ENOX1: variants seen among roughly 807,000 people sequenced by gnomAD.
The protein encoded by ENOX1 is ecto-NOX disulfide-thiol exchanger 1.
Under a neutral mutation model 82.5 loss-of-function variants are expected in ENOX1, and 42 were observed. The ratio of observed to expected loss-of-function variants is 0.51; its 90% confidence interval spans 0.40 to 0.66. ENOX1 has a LOEUF of 0.66. Among genes scored for constraint, ENOX1 ranks in the 30% least tolerant of loss-of-function variants. The probability of loss-of-function intolerance (pLI) is 0.00; values close to 1 mark genes in which losing one functional copy is unlikely to be tolerated. For synonymous variants in ENOX1, 271 were observed against 282.2 expected (o/e 0.96, Z 0.40); for missense variants, 608 against 811.6 (o/e 0.75, Z 3.05).
At chr13:43,617,593 A>C (rs1248647505) in intron 2 of ENOX1, among the ~76,000 whole-genome samples, 1 of 152,224 alleles carries the variant, frequency 6.6e-6, no homozygotes, top group Non-Finnish European at 1.5e-5. Context: ...CATGGTTTAT[A>C]TATACCACGG....
chr13:43,314,162 G>T (rs1340514179), intron 11 of ENOX1, among the ~76,000 whole-genome samples: 3 of 152,166 alleles, frequency 2.0e-5, no homozygotes, highest in Non-Finnish European at 4.4e-5. Flanking sequence ...TGGAACTGGG[G>T]AGAAGAGTTG....
chr13:43,593,700 A>T (rs1469328926), intron 2 of ENOX1, among the ~76,000 whole-genome samples: 2 of 142,680 alleles, frequency 1.4e-5, no homozygotes, highest in African/African-American at 2.7e-5. Flanking sequence ...ACACACACAC[A>T]CACACACACA....
At chr13:43,406,903 T>C (rs2053834767) in intron 5 of ENOX1, among the ~76,000 whole-genome samples, 1 of 152,066 alleles carries the variant, frequency 6.6e-6, no homozygotes, top group South Asian at 2.1e-4. Context: ...TAAAGAAATA[T>C]TGTTGACAAT....
chr13:43,692,276 A>G (rs74067518), intron 1 of ENOX1, among the ~76,000 whole-genome samples: 3,208 of 152,340 alleles, frequency 0.021, 128 homozygotes, highest in African/African-American at 0.074. Context: ...ATCTTCCCCC[A>G]AAATTAATTC....
chr13:43,341,449 G>A (rs2049054413), intron 9 of ENOX1, among the ~76,000 whole-genome samples: 1 of 152,114 alleles, frequency 6.6e-6, no homozygotes, highest in African/African-American at 2.4e-5. Flanking sequence ...CCAGGCAGAA[G>A]GAACAGAACG....
intron 2 of ENOX1, among the ~76,000 whole-genome samples, chr13:43,615,907 G>A (rs1314496869): frequency 1.3e-5 from 2 of 151,624 alleles, no homozygotes; most frequent in Admixed American, 1.3e-4. Flanking sequence ...CCATGTCCCT[G>A]CAAAGTACAT....
chr13:43,379,585 T>C (rs535982743), intron 5 of ENOX1, among the ~76,000 whole-genome samples: 2 of 152,064 alleles, frequency 1.3e-5, no homozygotes, highest in Admixed American at 1.3e-4. Flanking sequence ...AAAAAGTTAG[T>C]AAACTCAAAG....
At chr13:43,325,902 C>A (rs1185999364) in intron 10 of ENOX1, among the ~76,000 whole-genome samples, 2 of 151,962 alleles carry the variant, frequency 1.3e-5, no homozygotes, top group Non-Finnish European at 2.9e-5. Flanking sequence ...ATGGGTGGAC[C>A]CAGTTGGCCT....
intron 3 of ENOX1, among the ~76,000 whole-genome samples, chr13:43,448,470 C>T (rs1196141056): frequency 6.6e-6 from 1 of 152,066 alleles, no homozygotes; most frequent in African/African-American, 2.4e-5. Context: ...GCATCTTTGC[C>T]ATTTCAAAGA....
intron 12 of ENOX1, among the ~76,000 whole-genome samples, chr13:43,291,931 G>T (rs1242590070): frequency 6.6e-6 from 1 of 152,162 alleles, no homozygotes; most frequent in African/African-American, 2.4e-5. Flanking sequence ...AAGAGCTCTT[G>T]GCTGGCCACT....
intron 2 of ENOX1, among the ~76,000 whole-genome samples, chr13:43,651,327 A>G (rs540408455): frequency 1.3e-4 from 20 of 152,282 alleles, no homozygotes; most frequent in African/African-American, 4.6e-4. Context: ...ACTACTGCAG[A>G]AAATTTTGCC....
At chr13:43,446,667 T>C (rs753449871) in intron 3 of ENOX1, among the ~76,000 whole-genome samples, 12 of 152,230 alleles carry the variant, frequency 7.9e-5, no homozygotes, top group Admixed American at 2.0e-4. Flanking sequence ...ATAAGCCCCA[T>C]CTAACTTCTG....
rs1044806057 is a variant in ENOX1, at chr13:43,786,899, G to A, written c.-532C>T. 1 of 151,748 alleles carries A rather than the reference G, an allele frequency of 6.6e-6. No homozygotes were observed. The highest frequency in any genetic ancestry group is 2.4e-5 in the African/African-American group (1 of 41,244). 9.4% of individuals were successfully genotyped at this position (151,748 alleles called of 1,614,324 possible). On this transcript the variant is annotated 5_prime_UTR_variant, in exon 1 of 17. Coordinates refer to ENST00000690772, the MANE Select transcript of ENOX1 (RefSeq NM_001347969.2). The surrounding 1 kb of genome is among the most constrained non-coding windows in gnomAD (Gnocchi z 6.0). Reference sequence around the variant, plus strand: ...TGTGAGTAGCGGCGCCCGGGAGAGCGGGGATCTGCTGAGGGGCGCTGGAGA... The same window carrying A: ...TGTGAGTAGCGGCGCCCGGGAGAGCAGGGATCTGCTGAGGGGCGCTGGAGA...
chr13:43,586,559 G>A lies in ENOX1; in HGVS notation c.-219+80920C>T, dbSNP rs576430043. On this transcript the variant is annotated intron_variant, in intron 2 of 16. Transcript: ENST00000690772. ...ACCTCTCTTCATCTCTTTGTCTGCAGTGGCTAGCTGAGGCCTCCCTCTGAA... is the reference window on the plus strand; with the variant it reads ...ACCTCTCTTCATCTCTTTGTCTGCAATGGCTAGCTGAGGCCTCCCTCTGAA... 3.2e-4 allele frequency among the ~76,000 whole-genome samples: 49 copies of A among 152,346 alleles called. 1 individual carries two copies. The Middle Eastern group carries it at 0.01, about 32-fold the overall frequency.
intron 1 of ENOX1, among the ~76,000 whole-genome samples, chr13:43,734,600 C>T (rs929128554): frequency 6.6e-5 from 10 of 152,192 alleles, no homozygotes; most frequent in East Asian, 5.8e-4. Context: ...TTTTCACTCT[C>T]GTCATGTGTT....
At chr13:43,660,820 T>G (rs933872188) in intron 2 of ENOX1, among the ~76,000 whole-genome samples, 1 of 152,194 alleles carries the variant, frequency 6.6e-6, no homozygotes, top group African/African-American at 2.4e-5. Context: ...GTTTGCATAA[T>G]GTGTATTAGG....
intron 12 of ENOX1, among the ~76,000 whole-genome samples, chr13:43,276,336 T>C (rs76353869): frequency 0.034 from 5,155 of 152,278 alleles, 131 homozygotes; most frequent in Non-Finnish European, 0.05. Context: ...GTTGCCAACC[T>C]GATTTTTCCC....
At position 43,408,606 on chromosome 13, in the gene ENOX1, G is replaced by A. The variant is rs982167576; in HGVS notation, c.208+3310C>T. 4.6e-5 allele frequency among the ~76,000 whole-genome samples: 7 copies of A among 152,182 alleles called. No homozygotes were observed. The South Asian group carries it at 1.2e-3, about 27-fold the overall frequency. On this transcript the variant is annotated intron_variant, in intron 5 of 16. Transcript: ENST00000690772. ...GACACCTGAGCAAGCAGTGGCATCC[G>A]TGGCTCTATGGCTACGTGGAAAAGA... is the stretch of plus-strand genomic sequence containing the variant.
intron 1 of ENOX1, among the ~76,000 whole-genome samples, chr13:43,725,642 C>T (rs187284753): frequency 1.3e-5 from 2 of 152,110 alleles, no homozygotes; most frequent in East Asian, 3.9e-4. Context: ...TTTCTAAAGC[C>T]ACTTTCTTCC....
Sources: allele counts gnomAD v4.1 joint callset (sites outside exome capture counted in the v4.1 genomes callset), GRCh38; gene constraint gnomAD v4.1.1; non-coding constraint Gnocchi (gnomAD v3.1); transcripts MANE v1.5; gene names NCBI Gene and HGNC (gene_info 2026-07-23, HGNC 2026-07-21).